VTI1A: variants seen among roughly 807,000 people sequenced by gnomAD.
VTI1A encodes the protein vesicle transport through interaction with t-SNAREs 1A, also known as vesicle transport through interaction with t-SNAREs homolog 1A.
Under a neutral mutation model 34.9 loss-of-function variants are expected in VTI1A, and 22 were observed. The ratio of observed to expected loss-of-function variants is 0.63; its 90% CI spans 0.45 to 0.90. VTI1A has a LOEUF of 0.90. Ranked by LOEUF, VTI1A falls within the 40% of genes least tolerant of loss-of-function variation. The probability of loss-of-function intolerance (pLI) is 0.00; values close to 1 mark genes in which losing one functional copy is unlikely to be tolerated. For synonymous variants in VTI1A, 87 were observed against 97.3 expected, an observed-to-expected ratio of 0.89 and a Z score of 0.62; for missense variants, 268 against 275.6, an observed-to-expected ratio of 0.97 and a Z score of 0.20.
intron 5 of VTI1A, among the ~76,000 whole-genome samples, chr10:112,546,718 TC>T (rs1851144939): frequency 2.0e-5 from 3 of 152,148 alleles, no homozygotes; most frequent in Non-Finnish European, 4.4e-5. Context: ...TTCCTGCATA[TC>T]TTGTTTCATT....
intron 5 of VTI1A, among the ~76,000 whole-genome samples, chr10:112,658,637 C>T (rs1377253662): frequency 1.3e-5 from 2 of 151,984 alleles, no homozygotes; most frequent in Non-Finnish European, 2.9e-5. Context: ...GAGTCACAAA[C>T]ATCTAATCCT....
At chr10:112,830,849 A>ATATATATTTTT in the VTI1A span, among the ~76,000 whole-genome samples, 9 of 33,494 alleles carry the variant, frequency 2.7e-4, no homozygotes, top group East Asian at 1.5e-3. Context: ...ATATATATAT[A>ATATATATTTTT]TTTTTTTTTT....
chr10:112,668,428 G>T, intron 6 of VTI1A, 140 bp downstream of exon 6: 1 of 872,378 alleles, frequency 1.1e-6, no homozygotes, highest in Non-Finnish European at 1.7e-6. Context: ...GAAAGGAAAA[G>T]GAAGAGGGTG....
intron 7 of VTI1A, among the ~76,000 whole-genome samples, chr10:112,719,543 T>C (rs1429647638): frequency 6.6e-6 from 1 of 151,978 alleles, no homozygotes; most frequent in Non-Finnish European, 1.5e-5. Flanking sequence ...CAAACAATTG[T>C]AGAACTTTTT....
At chr10:112,483,976 A>G (rs1848533861) in intron 3 of VTI1A, among the ~76,000 whole-genome samples, 1 of 152,238 alleles carries the variant, frequency 6.6e-6, no homozygotes, top group East Asian at 1.9e-4. Context: ...TCAAGCTACT[A>G]AATCATGCTC....
intron 1 of VTI1A, among the ~76,000 whole-genome samples, 172 bp downstream of exon 1, chr10:112,447,639 G>T (rs1312954780): frequency 6.6e-6 from 1 of 152,160 alleles, no homozygotes; most frequent in Non-Finnish European, 1.5e-5. Context: ...GTCAAGTTCG[G>T]GTGTGGGGTG....
intron 4 of VTI1A, among the ~76,000 whole-genome samples, chr10:112,530,090 A>G (rs934724896): frequency 2.0e-5 from 3 of 152,144 alleles, no homozygotes; most frequent in Non-Finnish European, 4.4e-5. Context: ...TGTCCCTCAT[A>G]CAATACCCTT....
At chr10:112,551,070 C>T (rs546520762) in intron 5 of VTI1A, among the ~76,000 whole-genome samples, 10 of 151,988 alleles carry the variant, frequency 6.6e-5, no homozygotes, top group African/African-American at 2.2e-4. Flanking sequence ...TGTGAAACCC[C>T]GTCTCTACTA....
chr10:112,821,872 A>G (rs540297542), downstream of VTI1A, among the ~76,000 whole-genome samples: 2 of 152,262 alleles, frequency 1.3e-5, no homozygotes, highest in South Asian at 4.1e-4. Flanking sequence ...TTCTGGACAC[A>G]GGAAGTGGTC....
chr10:112,732,470 C>T (rs890255576), intron 7 of VTI1A, among the ~76,000 whole-genome samples: 1 of 152,150 alleles, frequency 6.6e-6, no homozygotes, highest in African/African-American at 2.4e-5. Context: ...TATGAATGGA[C>T]AAGGGTTTAA....
At chr10:112,774,443 C>T (rs1851899183) in intron 7 of VTI1A, among the ~76,000 whole-genome samples, 1 of 152,070 alleles carries the variant, frequency 6.6e-6, no homozygotes, top group South Asian at 2.1e-4. Flanking sequence ...TTGGTCTTCC[C>T]ACTACAAAGG....
rs561778787 is a variant in VTI1A, at chr10:112,676,790, T to C, written c.560+7792T>C. ...ATGTAGATCAAACTGGCCATAAATA[T>C]ATCAACTCACGTAACTAAATAGTCC... On this transcript the variant is annotated intron_variant, in intron 7 of 7. Coordinates refer to ENST00000393077, the MANE Select transcript of VTI1A (RefSeq NM_145206.4). Among the ~76,000 whole-genome samples, 5 of 152,296 alleles carry C rather than the reference T, an allele frequency of 3.3e-5. No individual in the cohort carries two copies. In the East Asian group the frequency reaches 7.7e-4, roughly 24 times the overall value.
intron 7 of VTI1A, among the ~76,000 whole-genome samples, chr10:112,688,696 T>A (rs1848515469): frequency 6.6e-6 from 1 of 151,286 alleles, no homozygotes; most frequent in Non-Finnish European, 1.5e-5. Flanking sequence ...TTATTTTTTG[T>A]TTGTTTGTTT....
chr10:112,764,796 A>G (rs959544240), intron 7 of VTI1A, among the ~76,000 whole-genome samples: 2 of 152,180 alleles, frequency 1.3e-5, no homozygotes, highest in Admixed American at 6.6e-5. Flanking sequence ...GCGCACCACA[A>G]TTTGCTCATA....
At chr10:112,764,006 A>G (rs1272482782) in intron 7 of VTI1A, among the ~76,000 whole-genome samples, 1 of 152,138 alleles carries the variant, frequency 6.6e-6, no homozygotes, top group Admixed American at 6.6e-5. Context: ...AGAAAAAGAG[A>G]GAGGTGGAAG....
At chr10:112,589,016 G>GACTTTTTTTTTTTTTT (rs1564838936) in intron 5 of VTI1A, among the ~76,000 whole-genome samples, 1 of 85,272 alleles carries the variant, frequency 1.2e-5, no homozygotes, top group Non-Finnish European at 2.2e-5. Context: ...TTGACTCCTT[G>GACTTTTTTTTTTTTTT]TCTTTTTTTT....
At chr10:112,620,337 T>C (rs1320193071) in intron 5 of VTI1A, among the ~76,000 whole-genome samples, 1 of 152,206 alleles carries the variant, frequency 6.6e-6, no homozygotes, top group African/African-American at 2.4e-5. Context: ...TGGAGGGATG[T>C]ACACAGTTTA....
At chr10:112,732,074 CTG>C (rs1392083040) in intron 7 of VTI1A, among the ~76,000 whole-genome samples, 1 of 151,844 alleles carries the variant, frequency 6.6e-6, no homozygotes, top group Admixed American at 6.6e-5. Context: ...CCCTAGGAGA[CTG>C]TACAGCAACT....
intron 5 of VTI1A, among the ~76,000 whole-genome samples, chr10:112,621,690 GA>G (rs1323538386): frequency 6.6e-6 from 1 of 152,168 alleles, no homozygotes; most frequent in African/African-American, 2.4e-5. Flanking sequence ...CCTGTCTCTA[GA>G]AGTCCTTTAT....
Sources: gnomAD v4.1 joint callset for allele counts (sites outside exome capture counted in the v4.1 genomes callset) on GRCh38, gnomAD v4.1.1 for gene constraint, MANE v1.5 for transcripts, NCBI Gene and HGNC (gene_info 2026-07-23, HGNC 2026-07-21) for gene names.